CCDC102B: variants seen among roughly 807,000 people sequenced by gnomAD.
The protein encoded by CCDC102B is coiled-coil domain containing 102B.
CCDC102B carries 75 observed loss-of-function variants against 57.4 expected under a neutral mutation model. The ratio of observed to expected loss-of-function variants is 1.31; its 90% CI spans 1.08 to 1.58. CCDC102B has a LOEUF of 1.58. Among genes scored for constraint, CCDC102B ranks in the 40% most tolerant of loss-of-function variants. CCDC102B has a pLI of 0.00. For synonymous variants in CCDC102B, 206 were observed against 201.9 expected (o/e 1.02, Z -0.17); for missense variants, 636 against 582.6 (o/e 1.09, Z -0.94).
rs545462143 is a variant in CCDC102B at position 68,761,476 on chromosome 18, C to CGA, written c.-67+44882_-67+44883insGA. 3.6e-3 allele frequency among the ~76,000 whole-genome samples: 550 copies of CGA among 151,788 alleles called. 2 individuals are homozygous for CGA. The highest frequency in any genetic ancestry group is 0.013 in the African/African-American group (521 of 41,504). ...TTGAGATATGTTGAAATCTCCCACTCTGAGTGTGAATTTGTCAAATTCTCA... is the reference window on the plus strand; with the variant it reads ...TTGAGATATGTTGAAATCTCCCACTCGATGAGTGTGAATTTGTCAAATTCTCA... On this transcript the variant is annotated intron_variant, in intron 2 of 3. Transcript: ENST00000578970.
At chr18:68,880,127 C>T (rs1177263603) in intron 5 of CCDC102B, among the ~76,000 whole-genome samples, 4 of 152,202 alleles carry the variant, frequency 2.6e-5, no homozygotes, top group African/African-American at 7.2e-5. Context: ...GCTGCAGGTC[C>T]CGAGCCCTGC....
intron 2 of CCDC102B, among the ~76,000 whole-genome samples, chr18:68,726,159 A>G (rs1347271945): frequency 6.6e-6 from 1 of 152,194 alleles, no homozygotes; most frequent in Non-Finnish European, 1.5e-5. Flanking sequence ...CCCTTACCTG[A>G]AGGTATAATT....
intron 1 of CCDC102B, among the ~76,000 whole-genome samples, chr18:68,715,816 C>T (rs1251316004): frequency 6.6e-6 from 1 of 152,194 alleles, no homozygotes; most frequent in African/African-American, 2.4e-5. Context: ...GCAGCAATCA[C>T]TACTTACGAA....
chr18:68,968,827 A>C (rs529665916), intron 6 of CCDC102B, among the ~76,000 whole-genome samples: 1 of 152,212 alleles, frequency 6.6e-6, no homozygotes, highest in African/African-American at 2.4e-5. Flanking sequence ...TTTACTTAGC[A>C]TAATGTCTTC....
chr18:68,963,282 G>A (rs189076543), intron 6 of CCDC102B, among the ~76,000 whole-genome samples: 28 of 152,056 alleles, frequency 1.8e-4, no homozygotes, highest in African/African-American at 6.5e-4. Context: ...GATTTCTGGT[G>A]GATGAAGGAC....
intron 6 of CCDC102B, among the ~76,000 whole-genome samples, chr18:68,898,726 G>C (rs889528756): frequency 1.3e-5 from 2 of 152,016 alleles, no homozygotes; most frequent in Non-Finnish European, 2.9e-5. Context: ...TCCCCACCCA[G>C]CATGGGCTTA....
At chr18:68,892,038 T>C (rs372678535) in intron 5 of CCDC102B, among the ~76,000 whole-genome samples, 10 of 152,314 alleles carry the variant, frequency 6.6e-5, no homozygotes, top group African/African-American at 1.7e-4. Flanking sequence ...TAATATGCCC[T>C]CTTTTGTCGA....
intron 2 of CCDC102B, among the ~76,000 whole-genome samples, chr18:68,771,266 C>T (rs1053637338): frequency 6.6e-6 from 1 of 152,128 alleles, no homozygotes; most frequent in Non-Finnish European, 1.5e-5. Flanking sequence ...CCAAGCCCTG[C>T]AAAGGGGAGA....
chr18:68,788,868 C>T (rs2035316794), intron 2 of CCDC102B, among the ~76,000 whole-genome samples: 2 of 152,072 alleles, frequency 1.3e-5, no homozygotes, highest in South Asian at 4.1e-4. Flanking sequence ...TTGATCCTGT[C>T]ATTATGATGT....
intron 2 of CCDC102B, among the ~76,000 whole-genome samples, chr18:68,780,640 T>C (rs756452147): frequency 1.3e-5 from 2 of 152,160 alleles, no homozygotes; most frequent in Non-Finnish European, 2.9e-5. Flanking sequence ...TATCTCCTTG[T>C]TGCTTTGATT....
chr18:69,036,591 A>G (rs2052298370), intron 7 of CCDC102B, among the ~76,000 whole-genome samples: 1 of 152,126 alleles, frequency 6.6e-6, no homozygotes, highest in Non-Finnish European at 1.5e-5. Context: ...CTGTTGCTTT[A>G]GCCTAACCAG....
At chr18:68,942,622 G>T (rs192813357) in intron 6 of CCDC102B, among the ~76,000 whole-genome samples, 1 of 151,922 alleles carries the variant, frequency 6.6e-6, no homozygotes, top group Non-Finnish European at 1.5e-5. Flanking sequence ...GCCTTAAAGA[G>T]CAGTATTGCC....
chr18:68,734,918 C>T (rs1364542362), intron 2 of CCDC102B, among the ~76,000 whole-genome samples: 1 of 152,220 alleles, frequency 6.6e-6, no homozygotes, highest in East Asian at 1.9e-4. Context: ...ATTTGATCCA[C>T]AATACCGTAT....
At chr18:68,860,525 T>C (rs2038702995) in intron 4 of CCDC102B, among the ~76,000 whole-genome samples, 1 of 124,690 alleles carries the variant, frequency 8.0e-6, no homozygotes, top group African/African-American at 2.8e-5. Flanking sequence ...GTTAGACCCC[T>C]TTCCCTCCCT....
intron 6 of CCDC102B, among the ~76,000 whole-genome samples, chr18:68,911,708 C>T (rs1215721022): frequency 1.6e-5 from 2 of 124,116 alleles, no homozygotes; most frequent in Non-Finnish European, 3.2e-5. Context: ...GCCGAGATCG[C>T]GCCACTGCAC....
intron 4 of CCDC102B, among the ~76,000 whole-genome samples, chr18:68,852,732 T>C (rs2038188157): frequency 6.6e-6 from 1 of 152,148 alleles, no homozygotes; most frequent in Admixed American, 6.6e-5. Context: ...TTAAAATATT[T>C]TTATATGTAT....
chr18:69,057,162 G>A (rs1198661667), downstream of CCDC102B, among the ~76,000 whole-genome samples: 2 of 151,938 alleles, frequency 1.3e-5, no homozygotes, highest in East Asian at 1.9e-4. Flanking sequence ...TCCATGGTTT[G>A]TAAACCAATA....
intron 7 of CCDC102B, among the ~76,000 whole-genome samples, chr18:69,019,337 T>G (rs1159235219): frequency 6.6e-6 from 1 of 152,104 alleles, no homozygotes; most frequent in Non-Finnish European, 1.5e-5. Flanking sequence ...CTCCATTTCA[T>G]GAACATGAGC....
intron 6 of CCDC102B, among the ~76,000 whole-genome samples, chr18:69,000,377 T>C (rs1334406820): frequency 6.6e-6 from 1 of 152,150 alleles, no homozygotes; most frequent in East Asian, 1.9e-4. Flanking sequence ...AATGATGAAA[T>C]GTGTATTGTA....
Sources: allele counts gnomAD v4.1 joint callset (sites outside exome capture counted in the v4.1 genomes callset), GRCh38; gene constraint gnomAD v4.1.1; transcripts MANE v1.5; gene names NCBI Gene and HGNC (gene_info 2026-07-23, HGNC 2026-07-21).